Variants in NKAIN1 observed in about 807,000 individuals in gnomAD.
NKAIN1 encodes the protein sodium/potassium-transporting ATPase subunit beta-1-interacting protein 1.
A neutral mutation model predicts 31.6 loss-of-function variants in NKAIN1; 13 were observed. That is an observed-to-expected ratio of 0.41 (90% CI 0.27 to 0.65). NKAIN1 has a LOEUF of 0.65. NKAIN1 is among the 30% of genes least tolerant of loss of function. The probability of loss-of-function intolerance (pLI) is 0.30; values close to 1 mark genes in which losing one functional copy is unlikely to be tolerated. For synonymous variants in NKAIN1, 104 were observed against 109.0 expected (o/e 0.95, Z 0.28); for missense variants, 193 against 262.2 (o/e 0.74, Z 1.82).
chr1:31,217,473 A>C (rs946259522), intron 1 of NKAIN1, among the ~76,000 whole-genome samples: 2 of 152,028 alleles, frequency 1.3e-5, no homozygotes, highest in Admixed American at 1.3e-4. Context: ...GCCTTGCATT[A>C]TGATTTATTT....
intron 1 of NKAIN1, among the ~76,000 whole-genome samples, chr1:31,218,070 T>TTCTTTC (rs1350943103): frequency 3.6e-5 from 5 of 140,548 alleles, no homozygotes; most frequent in African/African-American, 1.3e-4. Context: ...CTTTCTTTCT[T>TTCTTTC]TTTTTTTTTT....
At chr1:31,182,392 A>C in intron 5 of NKAIN1, 138 bp downstream of exon 5, 1 of 902,702 alleles carries the variant, frequency 1.1e-6, no homozygotes, top group Non-Finnish European at 1.8e-6. Context: ...AGCCTTCCAT[A>C]CCAGCCGCCT....
At chr1:31,183,096 C>A (rs1645215169) in intron 4 of NKAIN1, among the ~76,000 whole-genome samples, 1 of 152,066 alleles carries the variant, frequency 6.6e-6, no homozygotes. Flanking sequence ...CTCAAGTGAT[C>A]CTCCTGCCTC....
intron 1 of NKAIN1, among the ~76,000 whole-genome samples, chr1:31,202,535 G>C (rs951530333): frequency 2.6e-5 from 4 of 151,468 alleles, no homozygotes; most frequent in African/African-American, 4.9e-5. Flanking sequence ...AAACTAGCCG[G>C]GTGTGGTGGT....
At chr1:31,237,880 T>TA (rs59981773) in intron 1 of NKAIN1, among the ~76,000 whole-genome samples, 1,529 of 151,894 alleles carry the variant, frequency 0.01, 30 homozygotes, top group African/African-American at 0.034. Flanking sequence ...CTTTTCTAAT[T>TA]AAAAAAAACC....
At chr1:31,197,104 CTT>C (rs922550782) in intron 1 of NKAIN1, among the ~76,000 whole-genome samples, 4 of 134,562 alleles carry the variant, frequency 3.0e-5, no homozygotes, top group Admixed American at 7.6e-5. Context: ...TGGATTTTTA[CTT>C]TTTTTTTTTT....
chr1:31,185,475 C>A (rs1217484673), intron 2 of NKAIN1, 148 bp from the exon 3 acceptor site: 9 of 667,858 alleles, frequency 1.3e-5, no homozygotes, highest in Non-Finnish European at 2.2e-5. Flanking sequence ...GCTTACAAAT[C>A]ATTTACACAC....
chr1:31,234,592 C>T (rs1645681403), intron 1 of NKAIN1, among the ~76,000 whole-genome samples: 2 of 152,116 alleles, frequency 1.3e-5, no homozygotes, highest in African/African-American at 4.8e-5. Flanking sequence ...GACTCTTCCT[C>T]TTTTACAAAG....
At chr1:31,195,571 T>TC (rs1182842471) in intron 1 of NKAIN1, among the ~76,000 whole-genome samples, 1 of 151,496 alleles carries the variant, frequency 6.6e-6, no homozygotes. Context: ...CCTCTCCCTC[T>TC]CCCCAGATCC....
intron 1 of NKAIN1, among the ~76,000 whole-genome samples, chr1:31,217,156 G>A (rs1052373604): frequency 1.3e-5 from 2 of 151,710 alleles, no homozygotes; most frequent in Non-Finnish European, 2.9e-5. Flanking sequence ...ATGAGCCACC[G>A]TGCCGCGGCA....
chr1:31,202,452 C>T (rs552255630), intron 1 of NKAIN1, among the ~76,000 whole-genome samples: 6 of 152,086 alleles, frequency 3.9e-5, no homozygotes, highest in East Asian at 3.9e-4. Flanking sequence ...CCGAGGTGGG[C>T]GGATCACGAG....
Position 31,182,479 on chromosome 1 carries a change from G to A in NKAIN1, c.532+51C>T, listed in dbSNP as rs754424738. 1.9e-6 allele frequency: 3 copies of A among 1,600,988 alleles called. No homozygotes were observed. In the South Asian group the frequency reaches 3.3e-5, roughly 18 times the overall value. On this transcript the variant is annotated intron_variant, in intron 5 of 6. Transcript: ENST00000373736. Reference sequence around the variant, plus strand: ...CCAGTCACAGGCCTCTGTCCAGGGTGCTGAAGGCGCAGGGCCAGATTCCCC... The same window carrying A: ...CCAGTCACAGGCCTCTGTCCAGGGTACTGAAGGCGCAGGGCCAGATTCCCC...
rs1330124067 is a variant in NKAIN1, at chr1:31,181,691, G to A, written c.*12C>T. ...CCCAGGGCGAGGCGCCGGGGTGGGC[G>A]CGGGGCAGAGGCTACCCCGACCTGC... On this transcript the variant is annotated 3_prime_UTR_variant, in exon 7 of 7. Transcript: ENST00000373736. The A allele has an allele frequency of 6.9e-7, 1 of 1,459,832 alleles. No individual in the cohort carries two copies. Among genetic ancestry groups the A allele is most frequent in the Non-Finnish European group, 9.1e-7 (1 of 1,100,486 alleles). The allele number at this position is 1,459,832 out of a possible 1,614,324, so 90.4% of individuals were successfully genotyped here. A position where few individuals can be genotyped will look rare whatever the true frequency, so the allele number is the denominator to read the frequency against.
At chr1:31,187,588 G>A (rs1004036698) in intron 2 of NKAIN1, among the ~76,000 whole-genome samples, 6 of 152,174 alleles carry the variant, frequency 3.9e-5, no homozygotes, top group African/African-American at 1.4e-4. Flanking sequence ...CTGAGGCCGT[G>A]TGGTGCCGCA....
In NKAIN1 at chr1:31,217,943, A is replaced by T. The variant is rs866445938; in HGVS notation, c.54+21551T>A. Reference sequence around the variant, plus strand: ...TCCATTCAGCAAACAATCATGATTTATGCTTCATAGGCACTCCTGTCCTCT... The same window carrying T: ...TCCATTCAGCAAACAATCATGATTTTTGCTTCATAGGCACTCCTGTCCTCT... On this transcript the variant is annotated intron_variant, in intron 1 of 6. Transcript: ENST00000373736. 3.3e-5 allele frequency among the ~76,000 whole-genome samples: 5 copies of T among 152,146 alleles called. No individual in the cohort carries two copies. In the Middle Eastern group the frequency reaches 0.01, roughly 311 times the overall value.
In NKAIN1 at chr1:31,185,389, T is replaced by C. The variant is rs1163862950; in HGVS notation, c.193-62A>G. On this transcript the variant is annotated intron_variant, in intron 2 of 6. Coordinates refer to ENST00000373736, the MANE Select transcript of NKAIN1 (RefSeq NM_024522.3). ...GGGAGTGGGGGATGGGGAGTGTCAA[T>C]GGAGACAGAGCTCAGGGATGAGGAG... 3.0e-6 allele frequency: 4 copies of C among 1,338,984 alleles called. No individual in the cohort carries two copies. The South Asian group carries it at 3.7e-5, about 13-fold the overall frequency. 82.9% of individuals were successfully genotyped at this position (1,338,984 alleles called of 1,614,324 possible).
chr1:31,185,246 C>T lies in NKAIN1; in HGVS notation c.273+1G>A, dbSNP rs1421310581. ...ATGGCACTGCCAGGTCTGAGGCTTA[C>T]CTGGGACAGCTGTCCAACCTCCAAG... On this transcript the variant is annotated splice_donor_variant, in intron 3 of 6. Coordinates refer to ENST00000373736, the MANE Select transcript of NKAIN1 (RefSeq NM_024522.3). LOFTEE classifies it high-confidence loss of function. 6.2e-7 allele frequency: 1 copy of T among 1,606,304 alleles called. No individual in the cohort carries two copies. The highest frequency in any genetic ancestry group is 8.5e-7 in the Non-Finnish European group (1 of 1,176,052).
Position 31,193,154 on chromosome 1 carries a change from T to C in NKAIN1, c.55-4967A>G, listed in dbSNP as rs149143019. ...CGTGATCTCGGCTCACTGCAAGCTC[T>C]GTCTTCCAGGTTCACACCATTCTCC... On this transcript the variant is annotated intron_variant, in intron 1 of 6. Transcript: ENST00000373736. Among the ~76,000 whole-genome samples, 594 of 151,392 alleles carry C rather than the reference T, an allele frequency of 3.9e-3. 34 individuals are homozygous for C. The East Asian group carries it at 0.096, about 24-fold the overall frequency.
chr1:31,183,726 G>C (rs529891521), intron 4 of NKAIN1, 91 bp downstream of exon 4: 1,105 of 1,362,434 alleles, frequency 8.1e-4, no homozygotes, highest in Non-Finnish European at 1.0e-3. Flanking sequence ...GGGATTGCAG[G>C]CGTGAGCCAC....
Sources: gnomAD v4.1 joint callset for allele counts (sites outside exome capture counted in the v4.1 genomes callset) on GRCh38, gnomAD v4.1.1 for gene constraint, MANE v1.5 for transcripts, NCBI Gene and HGNC (gene_info 2026-07-23, HGNC 2026-07-21) for gene names.